Variants in INIP observed in about 807,000 individuals in gnomAD.
INIP encodes the protein INTS3 and NABP interacting protein.
Under a neutral mutation model 14.0 loss-of-function variants are expected in INIP, and 9 were observed. The observed-to-expected ratio is 0.64, with a 90% CI of 0.39 to 1.12. INIP has a LOEUF of 1.12. INIP is among the 50% of genes most tolerant of loss of function. The probability of loss-of-function intolerance (pLI) is 0.01; values close to 1 mark genes in which losing one functional copy is unlikely to be tolerated. For synonymous variants in INIP, 37 were observed against 41.5 expected (o/e 0.89, Z 0.41); for missense variants, 78 against 122.7 (o/e 0.64, Z 1.72).
intron 2 of INIP, among the ~76,000 whole-genome samples, chr9:112,710,059 TG>T (rs1381530962): frequency 1.3e-5 from 2 of 152,236 alleles, no homozygotes; most frequent in Admixed American, 6.5e-5. Flanking sequence ...ATCACTGCAC[TG>T]GGACAAACTC....
intron 3 of INIP, among the ~76,000 whole-genome samples, chr9:112,693,289 C>A (rs558453019): frequency 2.6e-5 from 4 of 152,208 alleles, no homozygotes; most frequent in African/African-American, 9.6e-5. Flanking sequence ...AGGAAAAGCT[C>A]TCTCTCTCCC....
chr9:112,709,950 G>A (rs805050), intron 2 of INIP, among the ~76,000 whole-genome samples: 62,465 of 152,084 alleles, frequency 0.41, 13,038 homozygotes, highest in Admixed American at 0.44. Flanking sequence ...AACAAAAAGA[G>A]ATTTAGCCTT....
In INIP at chr9:112,689,588, T is replaced by C; in HGVS notation, c.158A>G (p.Lys53Arg). The C allele has an allele frequency of 6.2e-7, 1 of 1,614,172 alleles. No individual in the cohort carries two copies. Among genetic ancestry groups the C allele is most frequent in the Non-Finnish European group, 8.5e-7 (1 of 1,180,002 alleles). ...SIALSRPSLN[K>R]DFRDHAEQQH... is the part of the protein sequence containing the mutation. Reference sequence around the variant, plus strand: ...CTGCTCAGCGTGATCCCGGAAGTCCTTATTAAGAGAGGGTCTCGAGAGTGC... The same window carrying C: ...CTGCTCAGCGTGATCCCGGAAGTCCCTATTAAGAGAGGGTCTCGAGAGTGC... The change falls in exon 4 of 5, where the codon AAG becomes AGG. Residue 53 changes from lysine to arginine, a missense_variant. Transcript: ENST00000374242.
intron 3 of INIP, among the ~76,000 whole-genome samples, chr9:112,692,059 A>G (rs766406297): frequency 1.2e-4 from 18 of 152,176 alleles, no homozygotes; most frequent in Non-Finnish European, 1.8e-4. Context: ...CAGTGGTGTC[A>G]AATAACACTA....
intron 2 of INIP, among the ~76,000 whole-genome samples, chr9:112,696,540 A>G (rs1838102570): frequency 6.6e-6 from 1 of 152,206 alleles, no homozygotes; most frequent in African/African-American, 2.4e-5. Context: ...TGAGTGTCCT[A>G]TAATTCAATT....
intron 2 of INIP, among the ~76,000 whole-genome samples, chr9:112,709,049 T>C (rs1838569237): frequency 6.6e-6 from 1 of 152,082 alleles, no homozygotes; most frequent in Non-Finnish European, 1.5e-5. Context: ...GCTCAGGTGA[T>C]CTGTGTTCAC....
chr9:112,714,326 TAG>T (rs1838739795), intron 2 of INIP, among the ~76,000 whole-genome samples: 1 of 152,080 alleles, frequency 6.6e-6, no homozygotes. Flanking sequence ...CAAACATACA[TAG>T]AGTCAAACAG....
At chr9:112,699,481 C>T (rs768223416) in intron 2 of INIP, among the ~76,000 whole-genome samples, 9 of 152,148 alleles carry the variant, frequency 5.9e-5, no homozygotes, top group Non-Finnish European at 1.0e-4. Context: ...AGAGAGAGAC[C>T]ACATTCACAC....
At chr9:112,715,004 A>T (rs1383173051) in intron 2 of INIP, among the ~76,000 whole-genome samples, 3 of 152,198 alleles carry the variant, frequency 2.0e-5, no homozygotes, top group African/African-American at 4.8e-5. Flanking sequence ...GTATCTCAAC[A>T]TAGAAAAGGT....
At chr9:112,705,756 A>C (rs1385233648) in intron 2 of INIP, among the ~76,000 whole-genome samples, 1 of 152,226 alleles carries the variant, frequency 6.6e-6, no homozygotes, top group East Asian at 1.9e-4. Context: ...ATGGAACAGA[A>C]TGCTTGGGAA....
At position 112,684,771 on chromosome 9, in the gene INIP, C is replaced by G. The variant is rs866149526; in HGVS notation, c.*2767G>C. The G allele has an allele frequency of 1.1e-4, 17 of 152,262 alleles. No homozygotes were observed. The highest frequency in any genetic ancestry group is 3.4e-3 in the Middle Eastern group (1 of 294). 9.4% of individuals were successfully genotyped at this position (152,262 alleles called of 1,614,324 possible). A position where few individuals can be genotyped will look rare whatever the true frequency, so the allele number is the denominator to read the frequency against. The stretch of plus-strand genomic sequence containing the variant: ...TGAAAAACACTAGTCTAGACAATTT[C>G]TGACATGGGCAGAGCATGTGCTTGT... On this transcript the variant is annotated 3_prime_UTR_variant, in exon 5 of 5. Coordinates refer to ENST00000374242, the MANE Select transcript of INIP (RefSeq NM_021218.3).
At position 112,686,275 on chromosome 9, in the gene INIP, A is replaced by G. The variant is rs751177574; in HGVS notation, c.*1263T>C. The G allele has an allele frequency of 1.2e-4, 18 of 152,180 alleles. No homozygotes were observed. The highest frequency in any genetic ancestry group is 2.2e-4 in the Non-Finnish European group (15 of 68,018). 9.4% of individuals were successfully genotyped at this position (152,180 alleles called of 1,614,324 possible). ...TCTACAAACCCATGCGTGTATAAAT[A>G]TATCACGAAAATCTGTACAAGATAT... On this transcript the variant is annotated 3_prime_UTR_variant, in exon 5 of 5. Coordinates refer to ENST00000374242, the MANE Select transcript of INIP (RefSeq NM_021218.3).
chr9:112,685,234 C>T lies in INIP; in HGVS notation c.*2304G>A, dbSNP rs1837616848. On this transcript the variant is annotated 3_prime_UTR_variant, in exon 5 of 5. Coordinates refer to ENST00000374242, the MANE Select transcript of INIP (RefSeq NM_021218.3). ...CTGGGACTCTATGCATGCACCAGCA[C>T]ACCTAGCCAATCTTTTTTTTTTTTT... 1 of 151,752 alleles carries T rather than the reference C, an allele frequency of 6.6e-6. No homozygotes were observed. Among genetic ancestry groups the T allele is most frequent in the Admixed American group, 6.6e-5 (1 of 15,232 alleles). The allele number at this position is 151,752 out of a possible 1,614,324, so 9.4% of individuals were successfully genotyped here.
chr9:112,709,882 A>G (rs1373790746), intron 2 of INIP, among the ~76,000 whole-genome samples: 1 of 152,272 alleles, frequency 6.6e-6, no homozygotes, highest in Non-Finnish European at 1.5e-5. Context: ...TGGAGCCTAC[A>G]GGTCAAGCCT....
chr9:112,699,008 T>C (rs1347507644), intron 2 of INIP, among the ~76,000 whole-genome samples: 1 of 152,154 alleles, frequency 6.6e-6, no homozygotes, highest in Non-Finnish European at 1.5e-5. Context: ...TTATTTCTTA[T>C]TTGCATTATT....
intron 2 of INIP, among the ~76,000 whole-genome samples, chr9:112,714,162 C>T (rs2131318098): frequency 6.6e-6 from 1 of 152,172 alleles, no homozygotes; most frequent in Non-Finnish European, 1.5e-5. Flanking sequence ...AACTACTGAT[C>T]CATGCACAAT....
intron 2 of INIP, among the ~76,000 whole-genome samples, chr9:112,700,857 T>A (rs896332962): frequency 1.3e-5 from 2 of 152,010 alleles, no homozygotes; most frequent in African/African-American, 2.4e-5. Flanking sequence ...AAACTAACAT[T>A]AATATAGTTC....
chr9:112,693,802 C>T (rs974643583), intron 3 of INIP, among the ~76,000 whole-genome samples: 1 of 152,198 alleles, frequency 6.6e-6, no homozygotes, highest in Non-Finnish European at 1.5e-5. Context: ...AGGCCAGGCA[C>T]GGTGGGTCAC....
At chr9:112,712,374 C>T (rs1838673342) in intron 2 of INIP, among the ~76,000 whole-genome samples, 1 of 151,870 alleles carries the variant, frequency 6.6e-6, no homozygotes, top group African/African-American at 2.4e-5. Context: ...GAACAAAAAT[C>T]ACAATTTCAG....
Sources: allele counts gnomAD v4.1 joint callset (sites outside exome capture counted in the v4.1 genomes callset), GRCh38; gene constraint gnomAD v4.1.1; transcripts MANE v1.5; gene names NCBI Gene and HGNC (gene_info 2026-07-23, HGNC 2026-07-21).